Variants in ACTR3 observed in about 807,000 individuals in gnomAD.
ACTR3 encodes actin-related protein 3.
Under a neutral mutation model 56.8 loss-of-function variants are expected in ACTR3, and 12 were observed. That is an observed-to-expected ratio of 0.21 (90% CI 0.14 to 0.34). ACTR3 has a LOEUF of 0.34. Ranked by LOEUF, ACTR3 falls within the 10% of genes least tolerant of loss-of-function variation. ACTR3 has a pLI of 1.00. For missense variants in ACTR3, 282 were observed against 512.5 expected (o/e 0.55, Z 4.34); for synonymous variants, 162 against 167.4 (o/e 0.97, Z 0.25).
chr2:113,923,595 A>G (rs562870783), intron 3 of ACTR3, among the ~76,000 whole-genome samples: 34 of 152,260 alleles, frequency 2.2e-4, no homozygotes, highest in African/African-American at 8.2e-4. Context: ...TCGGCCTCCC[A>G]AAGTGCTGGG....
At chr2:113,915,707 C>T in intron 2 of ACTR3, among the ~76,000 whole-genome samples, 1 of 152,082 alleles carries the variant, frequency 6.6e-6, no homozygotes, top group East Asian at 1.9e-4. Context: ...TTTTTTGAAC[C>T]ATTGGATCTC....
At chr2:113,892,492 C>T (rs1258091104) in intron 1 of ACTR3, among the ~76,000 whole-genome samples, 1 of 152,136 alleles carries the variant, frequency 6.6e-6, no homozygotes, top group Non-Finnish European at 1.5e-5. Context: ...TTTTGGTTCT[C>T]AAAAGCCTTT....
At chr2:113,890,010 G>A (rs936076616), upstream of ACTR3, 1 of 553,726 alleles carries the variant, frequency 1.8e-6, no homozygotes, top group African/African-American at 2.0e-5. Context: ...TTGTAGGGTG[G>A]GGGCAGGAGT....
intron 1 of ACTR3, among the ~76,000 whole-genome samples, chr2:113,909,608 T>G (rs1679264085): frequency 7.9e-6 from 1 of 126,256 alleles, no homozygotes; most frequent in South Asian, 2.6e-4. Context: ...AAAGTTTTTT[T>G]GTTGTTGTTG....
At chr2:113,919,998 A>G (rs530446320) in intron 3 of ACTR3, among the ~76,000 whole-genome samples, 1 of 152,142 alleles carries the variant, frequency 6.6e-6, no homozygotes, top group South Asian at 2.1e-4. Context: ...ATCTCACCTC[A>G]CTGCATCCTC....
chr2:113,948,938 ATC>A (rs1680069472), intron 8 of ACTR3, among the ~76,000 whole-genome samples: 1 of 71,052 alleles, frequency 1.4e-5, no homozygotes, highest in Non-Finnish European at 2.3e-5. Flanking sequence ...CTTGTGTTGG[ATC>A]TCTTTTTCGT....
chr2:113,942,009 T>A (rs1021305477), intron 7 of ACTR3, among the ~76,000 whole-genome samples, 177 bp from the exon 8 acceptor site: 1 of 152,098 alleles, frequency 6.6e-6, no homozygotes, highest in African/African-American at 2.4e-5. Flanking sequence ...AGTATGTTTA[T>A]TTGTACTACA....
At chr2:113,940,635 A>G (rs751535912) in intron 7 of ACTR3, among the ~76,000 whole-genome samples, 15 of 152,056 alleles carry the variant, frequency 9.9e-5, no homozygotes, top group South Asian at 2.1e-4. Context: ...CAAACTATCA[A>G]AATACTTTAG....
At chr2:113,915,287 G>A (rs1470258202) in intron 2 of ACTR3, among the ~76,000 whole-genome samples, 2 of 152,156 alleles carry the variant, frequency 1.3e-5, no homozygotes, top group East Asian at 1.9e-4. Context: ...TGTTTCCTCA[G>A]GATCCTTGGC....
chr2:113,931,742 A>G (rs568365821), intron 5 of ACTR3, among the ~76,000 whole-genome samples: 1 of 152,204 alleles, frequency 6.6e-6, no homozygotes, highest in Non-Finnish European at 1.5e-5. Context: ...ATTTATCCTT[A>G]TAAATCTTTT....
chr2:113,930,334 A>G (rs999955983), intron 4 of ACTR3, among the ~76,000 whole-genome samples: 96 of 152,080 alleles, frequency 6.3e-4, no homozygotes, highest in African/African-American at 2.2e-3. Context: ...CAGTATACTT[A>G]GTTGTTTTGC....
chr2:113,951,370 G>C (rs1005844876), intron 8 of ACTR3, 109 bp from the exon 9 acceptor site: 2 of 661,220 alleles, frequency 3.0e-6, no homozygotes, highest in Admixed American at 2.7e-5. Flanking sequence ...CAGTATTAGT[G>C]GTTTCTAAAA....
At position 113,913,159 on chromosome 2, in the gene ACTR3, T is replaced by C; in HGVS notation, c.45-13T>C. On this transcript the variant is annotated splice_polypyrimidine_tract_variant and intron_variant, in intron 1 of 11. Transcript: ENST00000263238. ...ATATTAGTGAAATCTTTATAAATTA[T>C]TTTGTTTTGCAGGTATACAAAACTA... is the stretch of plus-strand genomic sequence containing the variant. 6.6e-7 allele frequency: 1 copy of C among 1,517,342 alleles called. No individual in the cohort carries two copies. Among genetic ancestry groups the C allele is most frequent in the Non-Finnish European group, 9.0e-7 (1 of 1,112,704 alleles). 94.0% of individuals were successfully genotyped at this position (1,517,342 alleles called of 1,614,324 possible). A position where few individuals can be genotyped will look rare whatever the true frequency, so the allele number is the denominator to read the frequency against.
chr2:113,889,951 C>T, upstream of ACTR3: 1 of 530,814 alleles, frequency 1.9e-6, no homozygotes, highest in Non-Finnish European at 3.3e-6. Flanking sequence ...GGCGTCGGCA[C>T]CGGCGGCCAT....
Position 113,942,142 on chromosome 2 carries a change from C to T in ACTR3, c.685-44C>T, listed in dbSNP as rs551119865. On this transcript the variant is annotated intron_variant, in intron 7 of 11. Coordinates refer to ENST00000263238, the MANE Select transcript of ACTR3 (RefSeq NM_005721.5). Reference sequence around the variant, plus strand: ...AACATGCCATTCTTCTTTACTGTTCCTATAATAAGCAAAAAAAGTTACTTT... The same window carrying T: ...AACATGCCATTCTTCTTTACTGTTCTTATAATAAGCAAAAAAAGTTACTTT... 4.1e-6 allele frequency: 6 copies of T among 1,476,926 alleles called. No homozygotes were observed. The African/African-American group carries it at 4.4e-5, about 11-fold the overall frequency. 91.5% of individuals were successfully genotyped at this position (1,476,926 alleles called of 1,614,324 possible).
intron 8 of ACTR3, among the ~76,000 whole-genome samples, chr2:113,947,762 A>G (rs1402536215): frequency 1.3e-5 from 2 of 152,170 alleles, no homozygotes; most frequent in African/African-American, 2.4e-5. Flanking sequence ...AATGTTTCAT[A>G]TATCATTTTT....
chr2:113,915,307 C>T (rs76741921), intron 2 of ACTR3, among the ~76,000 whole-genome samples: 1,931 of 152,270 alleles, frequency 0.013, 41 homozygotes, highest in African/African-American at 0.044. Context: ...CTGATAGATG[C>T]GTCACTCCAG....
At chr2:113,929,177 C>T (rs1272051493) in intron 4 of ACTR3, among the ~76,000 whole-genome samples, 1 of 150,718 alleles carries the variant, frequency 6.6e-6, no homozygotes, top group African/African-American at 2.4e-5. Flanking sequence ...GGGTTTTGCT[C>T]TGTTGCTCAG....
At chr2:113,904,218 C>G (rs1486934663) in intron 1 of ACTR3, 1 of 152,148 alleles carries the variant, frequency 6.6e-6, no homozygotes. Flanking sequence ...TTCCTTTTTC[C>G]TTGTTTTCTT....
Sources: gnomAD v4.1 joint callset for allele counts (sites outside exome capture counted in the v4.1 genomes callset) on GRCh38, gnomAD v4.1.1 for gene constraint, MANE v1.5 for transcripts, NCBI Gene and HGNC (gene_info 2026-07-23, HGNC 2026-07-21) for gene names.